The following CHODL variants were observed in gnomAD, a reference collection of about 807,000 sequenced individuals.
CHODL encodes the protein chondrolectin.
A neutral mutation model predicts 34.5 loss-of-function variants in CHODL; 29 were observed. The observed-to-expected ratio is 0.84, with a 90% CI of 0.63 to 1.15. The LOEUF is 1.15. Ranked by LOEUF, CHODL falls within the 50% of genes most tolerant of loss-of-function variation. The pLI, the probability that CHODL is intolerant of heterozygous loss-of-function variation, is 0.00. For missense variants in CHODL, 332 were observed against 332.5 expected (o/e 1.00, Z 0.01); for synonymous variants, 125 against 116.1 (o/e 1.08, Z -0.49).
Position 17,947,914 on chromosome 21 carries a change from G to A in CHODL, c.-145+30514G>A, listed in dbSNP as rs578140309. 1.3e-3 allele frequency among the ~76,000 whole-genome samples: 200 copies of A among 152,264 alleles called. 2 individuals are homozygous for A. The highest frequency in any genetic ancestry group is 4.5e-3 in the African/African-American group (189 of 41,562). ...CTGGAATCAATCTAAGTGTGCATCAGCAGATGATTGGATAAAGAAAATGTG... is the reference window on the plus strand; with the variant it reads ...CTGGAATCAATCTAAGTGTGCATCAACAGATGATTGGATAAAGAAAATGTG... On this transcript the variant is annotated intron_variant, in intron 1 of 6. Transcript: ENST00000400127.
chr21:18,243,154 C>T (rs2074097875), upstream of CHODL, among the ~76,000 whole-genome samples: 1 of 152,196 alleles, frequency 6.6e-6, no homozygotes, highest in African/African-American at 2.4e-5. Context: ...AATTTCTTAT[C>T]TATGCTAGCC....
chr21:18,116,296 T>C (rs112495773), intron 2 of CHODL, among the ~76,000 whole-genome samples: 1,863 of 152,152 alleles, frequency 0.012, 42 homozygotes, highest in African/African-American at 0.041. Flanking sequence ...CCTTTAAACT[T>C]ATTTCTCTCT....
At chr21:17,951,072 A>T (rs2063452927) in intron 1 of CHODL, among the ~76,000 whole-genome samples, 1 of 150,524 alleles carries the variant, frequency 6.6e-6, no homozygotes, top group Admixed American at 6.7e-5. Context: ...ATATATTCTT[A>T]TATAAGAATA....
chr21:17,937,712 A>T (rs1331654150), intron 1 of CHODL, among the ~76,000 whole-genome samples: 1 of 152,106 alleles, frequency 6.6e-6, no homozygotes, highest in African/African-American at 2.4e-5. Flanking sequence ...TAATTTTTGG[A>T]TAATTTTTCT....
At chr21:18,049,667 C>T (rs911026810) in intron 2 of CHODL, among the ~76,000 whole-genome samples, 1 of 151,924 alleles carries the variant, frequency 6.6e-6, no homozygotes, top group African/African-American at 2.4e-5. Context: ...TTACTGTGTC[C>T]TCACATGGCC....
chr21:18,245,361 C>A, intron 1 of CHODL, 59 bp downstream of exon 1: 1 of 1,386,810 alleles, frequency 7.2e-7, no homozygotes, highest in Non-Finnish European at 9.6e-7. Flanking sequence ...CGGGGCGCGG[C>A]GGGCAGCCTG....
chr21:18,079,583 T>C (rs527597136), intron 2 of CHODL, among the ~76,000 whole-genome samples: 140 of 150,576 alleles, frequency 9.3e-4, no homozygotes, highest in African/African-American at 2.8e-3. Flanking sequence ...TACACACATA[T>C]ACCATAGAAT....
At chr21:18,111,044 A>T (rs559996430) in intron 2 of CHODL, among the ~76,000 whole-genome samples, 1 of 152,272 alleles carries the variant, frequency 6.6e-6, no homozygotes, top group African/African-American at 2.4e-5. Context: ...ACACTAGGGG[A>T]ATATTAGAGT....
At chr21:18,237,548 A>C (rs1265041039) in intron 2 of CHODL, among the ~76,000 whole-genome samples, 1 of 152,132 alleles carries the variant, frequency 6.6e-6, no homozygotes, top group Non-Finnish European at 1.5e-5. Flanking sequence ...GTGTGGAAGA[A>C]AGGAGAATAT....
intron 2 of CHODL, among the ~76,000 whole-genome samples, chr21:18,167,211 C>CTGTGTGTG (rs71329776): frequency 0.033 from 2,933 of 88,016 alleles, 45 homozygotes; most frequent in Middle Eastern, 0.078. Context: ...TTCTCTCTCT[C>CTGTGTGTG]TGTGTGTGTG....
At chr21:17,978,596 T>G (rs1456393792) in intron 1 of CHODL, among the ~76,000 whole-genome samples, 1 of 151,582 alleles carries the variant, frequency 6.6e-6, no homozygotes, top group Non-Finnish European at 1.5e-5. Context: ...CGGGTGCCTG[T>G]AGTTCCAGCT....
At chr21:18,181,656 C>T (rs1035093389) in intron 2 of CHODL, among the ~76,000 whole-genome samples, 1 of 152,186 alleles carries the variant, frequency 6.6e-6, no homozygotes, top group Admixed American at 6.5e-5. Context: ...TCCCAAAGTG[C>T]TAGGATTACA....
intron 2 of CHODL, among the ~76,000 whole-genome samples, chr21:18,143,259 A>T (rs1245852916): frequency 6.6e-6 from 1 of 152,212 alleles, no homozygotes; most frequent in Non-Finnish European, 1.5e-5. Flanking sequence ...AAGTAGGAAC[A>T]CTATAACCAT....
intron 1 of CHODL, among the ~76,000 whole-genome samples, chr21:17,993,381 T>C (rs1309375063): frequency 6.6e-6 from 1 of 152,174 alleles, no homozygotes; most frequent in Non-Finnish European, 1.5e-5. Flanking sequence ...CCCATCACCC[T>C]CTGATAGGCC....
intron 1 of CHODL, among the ~76,000 whole-genome samples, chr21:18,006,071 C>T (rs923625971): frequency 6.6e-6 from 1 of 152,140 alleles, no homozygotes; most frequent in Non-Finnish European, 1.5e-5. Context: ...TTTTGCTTGG[C>T]CGTCATTCTC....
intron 2 of CHODL, among the ~76,000 whole-genome samples, chr21:18,128,560 C>A (rs976080334): frequency 6.6e-6 from 1 of 151,860 alleles, no homozygotes; most frequent in East Asian, 1.9e-4. Context: ...TGTATACTTA[C>A]AATTTTAGAA....
At chr21:17,952,909 G>A (rs1403181752) in intron 1 of CHODL, among the ~76,000 whole-genome samples, 2 of 152,138 alleles carry the variant, frequency 1.3e-5, no homozygotes, top group Non-Finnish European at 1.5e-5. Context: ...TTACATGGCA[G>A]CAGGAGAGAA....
chr21:18,210,228 G>T (rs2073758202), intron 2 of CHODL, among the ~76,000 whole-genome samples: 1 of 152,158 alleles, frequency 6.6e-6, no homozygotes, highest in South Asian at 2.1e-4. Flanking sequence ...GTGGTCTCTA[G>T]CTGAGTTATC....
chr21:17,981,374 A>G lies in CHODL; in HGVS notation c.-144-46498A>G, dbSNP rs143229978. ...AACTGTTTCAAACAATGTGTTGTTC[A>G]TGGGCAGCGTTTGTTTCTTTTTTTA... On this transcript the variant is annotated intron_variant, in intron 1 of 6. Transcript: ENST00000400127. Among the ~76,000 whole-genome samples the G allele has an allele frequency of 4.9e-4, 75 of 152,320 alleles. 1 individual carries two copies. Among genetic ancestry groups the G allele is most frequent in the African/African-American group, 1.6e-3 (67 of 41,580 alleles).
Sources: allele counts gnomAD v4.1 joint callset (sites outside exome capture counted in the v4.1 genomes callset), GRCh38; gene constraint gnomAD v4.1.1; transcripts MANE v1.5; gene names NCBI Gene and HGNC (gene_info 2026-07-23, HGNC 2026-07-21).